The following ALDH1L1 variants were observed in gnomAD, a reference collection of about 807,000 sequenced individuals.
ALDH1L1 encodes cytosolic 10-formyltetrahydrofolate dehydrogenase.
ALDH1L1 carries 68 observed loss-of-function variants against 101.1 expected under a neutral mutation model. The observed-to-expected ratio is 0.67, with a 90% CI of 0.55 to 0.82. ALDH1L1 has a LOEUF of 0.82. Ranked by LOEUF, ALDH1L1 falls within the 40% of genes least tolerant of loss-of-function variation. The pLI is 0.00. For synonymous variants in ALDH1L1, 486 were observed against 470.8 expected (o/e 1.03, Z -0.42); for missense variants, 1,087 against 1,172.7 (o/e 0.93, Z 1.07).
At chr3:126,157,571 A>G (rs906436139) in intron 3 of ALDH1L1, 63 bp from the exon 4 acceptor site, 47 of 1,558,294 alleles carry the variant, frequency 3.0e-5, no homozygotes, top group Non-Finnish European at 2.1e-5. Context: ...TGTCCTGGGT[A>G]CAGGCCCGTG....
In ALDH1L1 at chr3:126,136,901, G is replaced by C. The variant is rs758240570; in HGVS notation, c.1225-18C>G. ...ATTTCCACCTGAAAGAAAGGCCCCA[G>C]TGACAAGCACAAACCCATGCAGGGT... On this transcript the variant is annotated intron_variant, in intron 10 of 22. Transcript: ENST00000393434. 5 of 1,613,424 alleles carry C rather than the reference G, an allele frequency of 3.1e-6. No individual in the cohort carries two copies. The highest frequency in any genetic ancestry group is 1.7e-5 in the Admixed American group (1 of 59,956).
At chr3:126,163,859 C>T (rs1472473933) in intron 1 of ALDH1L1, among the ~76,000 whole-genome samples, 1 of 152,132 alleles carries the variant, frequency 6.6e-6, no homozygotes, top group East Asian at 1.9e-4. Flanking sequence ...ATGAACCAGT[C>T]CCAGTCGCTC....
chr3:126,107,947 C>T (rs1945942246), intron 20 of ALDH1L1: 1 of 152,216 alleles, frequency 6.6e-6, no homozygotes, highest in Non-Finnish European at 1.5e-5. Context: ...AGATTCAATC[C>T]TGCCTAACTT....
At chr3:126,105,304 C>G (rs551432200) in intron 22 of ALDH1L1, 79 of 322,934 alleles carry the variant, frequency 2.4e-4, no homozygotes, top group African/African-American at 1.5e-3. Context: ...TCCTGCTCCC[C>G]CTTGGCCCAC....
rs775850788 is a variant in ALDH1L1 at position 126,158,426 on chromosome 3, C to A, written c.341G>T (p.Arg114Leu). 6.2e-7 allele frequency: 1 copy of A among 1,604,092 alleles called. No homozygotes were observed. The highest frequency in any genetic ancestry group is 8.5e-7 in the Non-Finnish European group (1 of 1,173,532). The part of the protein sequence containing the change: ...IYHPSLLPRH[R>L]GASAINWTLI... ...TCACCAGTTGATGGCCGAGGCCCCT[C>A]GGTGCCTAGGGAGCAGTGACGGGTG... The change falls in exon 3 of 23, where the codon CGA becomes CTA. Residue 114 changes from arginine to leucine, a missense_variant. Coordinates refer to ENST00000393434, the MANE Select transcript of ALDH1L1 (RefSeq NM_012190.4).
At position 126,160,865 on chromosome 3, in the gene ALDH1L1, C is replaced by A; in HGVS notation, c.115G>T (p.Ala39Ser). ...TTGGCTCACTCACCCAGGGGGTCGG[C>A]CTTTCCATCCTTGTCTGGAACAGTG... ...VFTVPDKDGK[A>S]DPLGLEAEKD... The change falls in exon 2 of 23, where the codon GCC becomes TCC. Residue 39 changes from alanine (A) to serine (S), a missense_variant. Ala to Ser is a moderately conservative substitution (Grantham distance 99, BLOSUM62 1). Around this residue, in one of 2 missense-constraint regions of ALDH1L1, gnomAD observed 645 missense variants for 637.0 expected, o/e 1.01. Transcript: ENST00000393434. The A allele has an allele frequency of 1.9e-6, 3 of 1,614,082 alleles. No homozygotes were observed. Among genetic ancestry groups the A allele is most frequent in the Non-Finnish European group, 1.7e-6 (2 of 1,179,942 alleles).
rs188630910 is a variant in ALDH1L1 at position 126,191,057 on chromosome 3, G to A, written c.-24+6678C>T. 1.3e-3 allele frequency among the ~76,000 whole-genome samples: 191 copies of A among 152,140 alleles called. 1 individual carries two copies. Among genetic ancestry groups the A allele is most frequent in the Admixed American group, 2.9e-3 (44 of 15,294 alleles). ...CAAGACTCATCAACAAACAAATGTCGCCTTGGGATTAGCTAATGGAGTGCT... is the reference window on the plus strand; with the variant it reads ...CAAGACTCATCAACAAACAAATGTCACCTTGGGATTAGCTAATGGAGTGCT... On this transcript the variant is annotated intron_variant, in intron 1 of 2. Transcript: ENST00000509952.
chr3:126,135,342 C>T (rs1267931527), intron 12 of ALDH1L1, 193 bp downstream of exon 12: 9 of 625,574 alleles, frequency 1.4e-5, no homozygotes, highest in Non-Finnish European at 2.3e-5. Context: ...TCTCATATCC[C>T]TTCCTCTGAG....
intron 16 of ALDH1L1, among the ~76,000 whole-genome samples, chr3:126,120,423 C>A (rs112787127): frequency 6.6e-6 from 1 of 152,108 alleles, no homozygotes; most frequent in South Asian, 2.1e-4. Context: ...AAAGGCATAA[C>A]GATGGAGACA....
rs139707554 is a variant in ALDH1L1 at position 126,173,887 on chromosome 3, A to G, written c.-24+6589T>C. ...GCACTACATAATGGTAAAGGAGTCAATTATCCCAGCAGACATAATACTCCT... is the reference window on the plus strand; with the variant it reads ...GCACTACATAATGGTAAAGGAGTCAGTTATCCCAGCAGACATAATACTCCT... On this transcript the variant is annotated intron_variant, in intron 1 of 22. Transcript: ENST00000393434. Among the ~76,000 whole-genome samples the G allele has an allele frequency of 3.1e-3, 470 of 152,378 alleles. 5 individuals are homozygous for G. Among genetic ancestry groups the G allele is most frequent in the African/African-American group, 0.011 (442 of 41,590 alleles).
Position 126,153,262 on chromosome 3 carries a change from C to T in ALDH1L1, c.858+182G>A, listed in dbSNP as rs113973878. The T allele has an allele frequency of 5.7e-6, 5 of 880,246 alleles. No homozygotes were observed. In the African/African-American group the frequency reaches 6.7e-5, roughly 12 times the overall value. The allele number at this position is 880,246 out of a possible 1,614,324, so 54.5% of individuals were successfully genotyped here. A position where few individuals can be genotyped will look rare whatever the true frequency, so the allele number is the denominator to read the frequency against. ...GAACAGAGAAGTGGGTAAACTGCCTCGGACACCCTGTGCTCAGGACCAGCC... is the reference window on the plus strand; with the variant it reads ...GAACAGAGAAGTGGGTAAACTGCCTTGGACACCCTGTGCTCAGGACCAGCC... On this transcript the variant is annotated intron_variant, in intron 7 of 22. Coordinates refer to ENST00000393434, the MANE Select transcript of ALDH1L1 (RefSeq NM_012190.4).
Position 126,103,693 on chromosome 3 carries a change from G to A in ALDH1L1, c.*98C>T, listed in dbSNP as rs1945756107. The A allele has an allele frequency of 2.3e-6, 3 of 1,324,704 alleles. No individual in the cohort carries two copies. The highest frequency in any genetic ancestry group is 2.5e-5 in the South Asian group (2 of 79,046). 82.1% of individuals were successfully genotyped at this position (1,324,704 alleles called of 1,614,324 possible). On this transcript the variant is annotated 3_prime_UTR_variant, in exon 23 of 23. Coordinates refer to ENST00000393434, the MANE Select transcript of ALDH1L1 (RefSeq NM_012190.4). ...TGTGCAGGCAGGAGGGCTTCCACTA[G>A]CCCCCCAGGTGGGAGGTGCTGTGCA... is the stretch of plus-strand genomic sequence containing the variant.
At chr3:126,155,256 A>T (rs1034110009) in intron 5 of ALDH1L1, 146 bp downstream of exon 5, 2 of 615,976 alleles carry the variant, frequency 3.2e-6, no homozygotes, top group Non-Finnish European at 5.3e-6. Flanking sequence ...CTCTTCATGC[A>T]TCCCTGACCT....
At chr3:126,194,810 T>G (rs2081572859) in intron 1 of ALDH1L1, among the ~76,000 whole-genome samples, 1 of 152,174 alleles carries the variant, frequency 6.6e-6, no homozygotes, top group Admixed American at 6.6e-5. Context: ...CATTTCACTC[T>G]CCTCACATAC....
chr3:126,133,096 T>C (rs1429104215), intron 12 of ALDH1L1, among the ~76,000 whole-genome samples: 1 of 152,202 alleles, frequency 6.6e-6, no homozygotes, highest in Non-Finnish European at 1.5e-5. Context: ...ACCCATTTGC[T>C]CCAAAGCCTG....
rs181085482 is a variant in ALDH1L1 at position 126,197,060 on chromosome 3, A to C, written c.-24+675T>G. Among the ~76,000 whole-genome samples, 5 of 152,356 alleles carry C rather than the reference A, an allele frequency of 3.3e-5. No homozygotes were observed. The East Asian group carries it at 9.6e-4, about 29-fold the overall frequency. On this transcript the variant is annotated intron_variant, in intron 1 of 2. Transcript: ENST00000509952. ...AGTACCACCACGAAGTTACAAGTTC[A>C]AGCTACCAATGACATAAAACAAGAT...
chr3:126,170,437 A>AG (rs899850591), intron 1 of ALDH1L1, among the ~76,000 whole-genome samples: 1 of 151,406 alleles, frequency 6.6e-6, no homozygotes, highest in Non-Finnish European at 1.5e-5. Flanking sequence ...AAAAAAAAAA[A>AG]AAAAAAGTTA....
intron 2 of ALDH1L1, among the ~76,000 whole-genome samples, 181 bp downstream of exon 2, chr3:126,160,672 A>G (rs917157330): frequency 8.5e-5 from 13 of 152,206 alleles, no homozygotes; most frequent in African/African-American, 3.1e-4. Flanking sequence ...AATTTATTCC[A>G]GAAAAGCCCA....
intron 1 of ALDH1L1, among the ~76,000 whole-genome samples, chr3:126,175,862 A>G (rs2081357112): frequency 1.3e-5 from 2 of 152,174 alleles, no homozygotes; most frequent in Non-Finnish European, 2.9e-5. Flanking sequence ...AAAAGAAAAG[A>G]AAATGAAAAG....
Sources: gnomAD v4.1 joint callset for allele counts (sites outside exome capture counted in the v4.1 genomes callset) on GRCh38, gnomAD v4.1.1 for gene constraint, gnomAD v4.1.1 regional missense constraint, MANE v1.5 for transcripts, NCBI Gene and HGNC (gene_info 2026-07-23, HGNC 2026-07-21) for gene names.